Variants in PLXDC2 observed in about 807,000 individuals in gnomAD.
PLXDC2 encodes plexin domain containing 2, also known as plexin domain-containing protein 2.
PLXDC2 carries 40 observed loss-of-function variants against 68.9 expected under a neutral mutation model. The ratio of observed to expected loss-of-function variants is 0.58; its 90% CI spans 0.45 to 0.76. PLXDC2 has a LOEUF of 0.76. Among genes scored for constraint, PLXDC2 ranks in the 30% least tolerant of loss-of-function variants. The pLI, the probability that PLXDC2 is intolerant of heterozygous loss-of-function variation, is 0.00. For synonymous variants in PLXDC2, 243 were observed against 234.2 expected, an observed-to-expected ratio of 1.04 and a Z score of -0.34; for missense variants, 644 against 661.9, an observed-to-expected ratio of 0.97 and a Z score of 0.30.
chr10:19,835,943 G>T (rs1836782511), intron 1 of PLXDC2, among the ~76,000 whole-genome samples: 1 of 152,102 alleles, frequency 6.6e-6, no homozygotes, highest in African/African-American at 2.4e-5. Flanking sequence ...GGGCTGACAT[G>T]GGAGGATCGC....
At chr10:20,193,309 G>A (rs1456798425) in intron 9 of PLXDC2, among the ~76,000 whole-genome samples, 1 of 151,742 alleles carries the variant, frequency 6.6e-6, no homozygotes, top group Non-Finnish European at 1.5e-5. Flanking sequence ...TTGATTAATG[G>A]GAAAAAAAGT....
intron 1 of PLXDC2, among the ~76,000 whole-genome samples, chr10:19,939,134 A>T (rs1161870484): frequency 2.6e-5 from 4 of 152,248 alleles, no homozygotes; most frequent in Admixed American, 6.5e-5. Flanking sequence ...ATAAAGATAA[A>T]TAAGGGATAA....
chr10:20,174,429 A>T (rs1347144783), intron 7 of PLXDC2, among the ~76,000 whole-genome samples: 1 of 152,150 alleles, frequency 6.6e-6, no homozygotes, highest in Non-Finnish European at 1.5e-5. Flanking sequence ...TCTTTCAGTT[A>T]TACCAAAATT....
At chr10:20,125,441 G>A (rs988986509) in intron 4 of PLXDC2, among the ~76,000 whole-genome samples, 1 of 152,180 alleles carries the variant, frequency 6.6e-6, no homozygotes, top group African/African-American at 2.4e-5. Flanking sequence ...CTTGGATGAA[G>A]GGCTGGATAG....
intron 2 of PLXDC2, among the ~76,000 whole-genome samples, chr10:20,005,373 T>G (rs1351659881): frequency 6.6e-6 from 1 of 152,156 alleles, no homozygotes; most frequent in Non-Finnish European, 1.5e-5. Context: ...TGATGGAGAT[T>G]ATTGGGATCT....
At chr10:20,006,528 C>T (rs1196090074) in intron 2 of PLXDC2, among the ~76,000 whole-genome samples, 1 of 152,050 alleles carries the variant, frequency 6.6e-6, no homozygotes, top group Non-Finnish European at 1.5e-5. Context: ...CTCAGATGTT[C>T]TCCTCATTTT....
intron 13 of PLXDC2, among the ~76,000 whole-genome samples, chr10:20,269,572 A>G (rs949698892): frequency 1.3e-5 from 2 of 152,194 alleles, no homozygotes; most frequent in Non-Finnish European, 2.9e-5. Flanking sequence ...AAAGGTCAAG[A>G]TGAATCAACT....
intron 4 of PLXDC2, among the ~76,000 whole-genome samples, chr10:20,082,064 C>CAAAA (rs1252447303): frequency 0.027 from 1,918 of 69,864 alleles, 403 homozygotes; most frequent in East Asian, 0.082. Flanking sequence ...AAAAAAAAAT[C>CAAAA]AAAAAAAAAA....
At chr10:20,183,271 T>C (rs1464369662) in intron 9 of PLXDC2, among the ~76,000 whole-genome samples, 1 of 151,954 alleles carries the variant, frequency 6.6e-6, no homozygotes, top group Non-Finnish European at 1.5e-5. Flanking sequence ...TTTAAATTCA[T>C]GGGACTGAAT....
chr10:20,203,355 A>G (rs1834946576), intron 9 of PLXDC2, among the ~76,000 whole-genome samples: 1 of 150,852 alleles, frequency 6.6e-6, no homozygotes, highest in South Asian at 2.1e-4. Flanking sequence ...CAGTGGTATG[A>G]TAACAGCTCA....
At chr10:20,183,539 T>C (rs1286687431) in intron 9 of PLXDC2, among the ~76,000 whole-genome samples, 1 of 151,938 alleles carries the variant, frequency 6.6e-6, no homozygotes, top group East Asian at 1.9e-4. Flanking sequence ...ACTTTTTGTA[T>C]GATTTGAATT....
At chr10:20,243,595 C>T (rs1037841007) in intron 12 of PLXDC2, among the ~76,000 whole-genome samples, 8 of 151,976 alleles carry the variant, frequency 5.3e-5, no homozygotes, top group South Asian at 2.1e-4. Flanking sequence ...TCTGGAATTC[C>T]GTCAGTTCAT....
In PLXDC2 at chr10:20,285,254, C is replaced by T. The variant is rs184640322; in HGVS notation, c.*5435C>T. 1.5e-4 allele frequency: 23 copies of T among 152,248 alleles called. No individual in the cohort carries two copies. Among genetic ancestry groups the T allele is most frequent in the Admixed American group, 1.2e-3 (19 of 15,294 alleles). 9.4% of individuals were successfully genotyped at this position (152,248 alleles called of 1,614,324 possible). A position where few individuals can be genotyped will look rare whatever the true frequency, so the allele number is the denominator to read the frequency against. ...TGTTTGTGAAGCATTTTACATTTTA[C>T]AGAGCACTTTGATTCATCTCCCTAT... On this transcript the variant is annotated 3_prime_UTR_variant, in exon 14 of 14. Transcript: ENST00000377252.
At chr10:20,139,076 A>G (rs1833968644) in intron 4 of PLXDC2, among the ~76,000 whole-genome samples, 1 of 152,224 alleles carries the variant, frequency 6.6e-6, no homozygotes, top group Non-Finnish European at 1.5e-5. Flanking sequence ...GACAAGATCT[A>G]CAATGATAGA....
In PLXDC2 at chr10:20,167,987, C is replaced by T. The variant is rs567701410; in HGVS notation, c.883+3420C>T. On this transcript the variant is annotated intron_variant, in intron 7 of 13. Transcript: ENST00000377252. ...TAGTAAATGATTTCAATGTAAATTT[C>T]AAGCATGATTAATTAAAGTAGCTTT... Among the ~76,000 whole-genome samples the T allele has an allele frequency of 3.3e-5, 5 of 152,172 alleles. No homozygotes were observed. In the South Asian group the frequency reaches 1.0e-3, roughly 32 times the overall value.
chr10:20,171,813 T>A (rs574762845), intron 7 of PLXDC2, among the ~76,000 whole-genome samples: 8 of 152,212 alleles, frequency 5.3e-5, no homozygotes, highest in African/African-American at 1.7e-4. Context: ...TTTTTAACAA[T>A]TTAGAACTGT....
At chr10:19,939,397 G>A (rs1468899999) in intron 1 of PLXDC2, among the ~76,000 whole-genome samples, 1 of 152,096 alleles carries the variant, frequency 6.6e-6, no homozygotes, top group Non-Finnish European at 1.5e-5. Context: ...AAGAATCTCA[G>A]GGAGTTATAT....
intron 13 of PLXDC2, among the ~76,000 whole-genome samples, chr10:20,246,228 G>A (rs1292934825): frequency 6.6e-6 from 1 of 152,202 alleles, no homozygotes; most frequent in African/African-American, 2.4e-5. Context: ...CTAAGCCCTG[G>A]GGTCTAAAAG....
chr10:19,848,993 A>C (rs1264449392), intron 1 of PLXDC2, among the ~76,000 whole-genome samples: 1 of 152,186 alleles, frequency 6.6e-6, no homozygotes, highest in African/African-American at 2.4e-5. Flanking sequence ...TGTCCTATTA[A>C]TATCCTATTA....
Sources: gnomAD v4.1 joint callset for allele counts (sites outside exome capture counted in the v4.1 genomes callset) on GRCh38, gnomAD v4.1.1 for gene constraint, MANE v1.5 for transcripts, NCBI Gene and HGNC (gene_info 2026-07-23, HGNC 2026-07-21) for gene names.